Variants in LRRIQ1 observed in about 807,000 individuals in gnomAD.
LRRIQ1 encodes the protein leucine-rich repeat- and IQ domain-containing protein 1.
In LRRIQ1, 210 loss-of-function variants were observed where a neutral mutation model predicts 211.9. The ratio of observed to expected loss-of-function variants is 0.99; its 90% CI spans 0.89 to 1.11. The LOEUF is 1.11. LRRIQ1 is among the 50% of genes most tolerant of loss of function. LRRIQ1 has a pLI of 0.00. For missense variants in LRRIQ1, 2,136 were observed against 1,939.5 expected (o/e 1.10, Z -1.90); for synonymous variants, 699 against 650.1 (o/e 1.08, Z -1.14).
At chr12:85,167,448 G>A (rs1891206268) in intron 24 of LRRIQ1, among the ~76,000 whole-genome samples, 1 of 152,086 alleles carries the variant, frequency 6.6e-6, no homozygotes, top group Admixed American at 6.5e-5. Context: ...GTTTGCTGAA[G>A]GCCCAAGTGC....
chr12:85,156,940 C>CAAA, intron 23 of LRRIQ1, among the ~76,000 whole-genome samples: 1 of 151,822 alleles, frequency 6.6e-6, no homozygotes, highest in African/African-American at 2.4e-5. Context: ...AGTATGGTAG[C>CAAA]TTTAATTCAA....
At chr12:85,271,285 G>A in the LRRIQ1 span, among the ~76,000 whole-genome samples, 1 of 152,016 alleles carries the variant, frequency 6.6e-6, no homozygotes, top group Non-Finnish European at 1.5e-5. Flanking sequence ...GTGAAATTTT[G>A]AGAATCAGCC....
intron 24 of LRRIQ1, among the ~76,000 whole-genome samples, chr12:85,160,924 A>G (rs980500956): frequency 1.3e-5 from 2 of 152,058 alleles, no homozygotes; most frequent in African/African-American, 4.8e-5. Flanking sequence ...GAAAATTTGT[A>G]TCAATGTTTA....
At chr12:85,060,685 A>T (rs1225462986) in intron 8 of LRRIQ1, among the ~76,000 whole-genome samples, 1 of 151,898 alleles carries the variant, frequency 6.6e-6, no homozygotes, top group Non-Finnish European at 1.5e-5. Flanking sequence ...TTTTAAAACA[A>T]TATTATTTTT....
intron 19 of LRRIQ1, among the ~76,000 whole-genome samples, chr12:85,145,563 A>C (rs1350765940): frequency 6.6e-6 from 1 of 151,716 alleles, no homozygotes; most frequent in Non-Finnish European, 1.5e-5. Flanking sequence ...AGAGACAAAT[A>C]CAGTTATTAC....
intron 24 of LRRIQ1, among the ~76,000 whole-genome samples, chr12:85,221,229 A>G (rs1205346161): frequency 6.6e-6 from 1 of 152,158 alleles, no homozygotes; most frequent in Non-Finnish European, 1.5e-5. Context: ...GACATATGTT[A>G]TCCTCCACAA....
intron 24 of LRRIQ1, among the ~76,000 whole-genome samples, chr12:85,204,041 G>C (rs1893422905): frequency 6.6e-6 from 1 of 152,164 alleles, no homozygotes; most frequent in Non-Finnish European, 1.5e-5. Context: ...CTGGGCCCAA[G>C]GTCCCAATGC....
At chr12:85,243,539 T>G (rs1895568511) in intron 26 of LRRIQ1, among the ~76,000 whole-genome samples, 1 of 151,012 alleles carries the variant, frequency 6.6e-6, no homozygotes, top group African/African-American at 2.4e-5. Context: ...GCAAGAGCAA[T>G]ACTTGCTTAC....
At chr12:85,190,413 A>G (rs920935582) in intron 24 of LRRIQ1, among the ~76,000 whole-genome samples, 1 of 147,224 alleles carries the variant, frequency 6.8e-6, no homozygotes, top group Admixed American at 6.9e-5. Flanking sequence ...ATAACTATAC[A>G]GTTAATATAA....
intron 10 of LRRIQ1, among the ~76,000 whole-genome samples, chr12:85,069,080 TC>T (rs1395002988): frequency 7.5e-6 from 1 of 133,250 alleles, no homozygotes; most frequent in Admixed American, 7.8e-5. Flanking sequence ...CCTAATGCTA[TC>T]CCTCCCCCCT....
At chr12:85,238,166 GGGAAGA>G (rs1895278880) in intron 26 of LRRIQ1, among the ~76,000 whole-genome samples, 1 of 151,464 alleles carries the variant, frequency 6.6e-6, no homozygotes. Flanking sequence ...ATTAGACATT[GGGAAGA>G]AAAGTGCACT....
chr12:85,176,759 T>A (rs529829639), intron 24 of LRRIQ1, among the ~76,000 whole-genome samples: 37 of 131,172 alleles, frequency 2.8e-4, no homozygotes, highest in South Asian at 1.5e-3. Flanking sequence ...TAAAAAAAAA[T>A]TTTAAAAAAA....
chr12:85,251,874 A>G (rs181424531), intron 1 of LRRIQ1, among the ~76,000 whole-genome samples: 238 of 151,740 alleles, frequency 1.6e-3, no homozygotes, highest in Non-Finnish European at 2.7e-3. Context: ...GTAGTCGACA[A>G]TTTCCCAAAT....
chr12:85,091,870 C>G (rs575003675), intron 11 of LRRIQ1, among the ~76,000 whole-genome samples: 1 of 152,162 alleles, frequency 6.6e-6, no homozygotes, highest in African/African-American at 2.4e-5. Flanking sequence ...GGTTATGGAC[C>G]AGTAGCGGTC....
At chr12:85,170,647 C>G (rs893071417) in intron 24 of LRRIQ1, among the ~76,000 whole-genome samples, 1 of 151,164 alleles carries the variant, frequency 6.6e-6, no homozygotes, top group South Asian at 2.1e-4. Flanking sequence ...CCATATGTAG[C>G]CTGTGTACTT....
chr12:85,188,627 A>T (rs922635551), intron 24 of LRRIQ1, among the ~76,000 whole-genome samples: 2 of 152,282 alleles, frequency 1.3e-5, no homozygotes, highest in East Asian at 3.9e-4. Flanking sequence ...TCTGATTGTT[A>T]CATAGCTACT....
intron 14 of LRRIQ1, among the ~76,000 whole-genome samples, chr12:85,105,378 G>A (rs1886696323): frequency 6.6e-6 from 1 of 152,094 alleles, no homozygotes; most frequent in African/African-American, 2.4e-5. Flanking sequence ...ATGGTGTGAA[G>A]TAGAGGTTGA....
chr12:85,061,083 A>G (rs993902430), intron 8 of LRRIQ1, among the ~76,000 whole-genome samples: 6 of 151,886 alleles, frequency 4.0e-5, no homozygotes, highest in Non-Finnish European at 8.8e-5. Flanking sequence ...AAGGAAGTAA[A>G]GTATGAGAGC....
intron 23 of LRRIQ1, among the ~76,000 whole-genome samples, chr12:85,155,141 C>G (rs1398754706): frequency 6.6e-6 from 1 of 151,392 alleles, no homozygotes; most frequent in East Asian, 1.9e-4. Flanking sequence ...TTTTTATATT[C>G]TGAAGTGTTC....
Sources: allele counts gnomAD v4.1 joint callset (sites outside exome capture counted in the v4.1 genomes callset), GRCh38; gene constraint gnomAD v4.1.1; transcripts MANE v1.5; gene names NCBI Gene and HGNC (gene_info 2026-07-23, HGNC 2026-07-21).